RREB1: variants seen among roughly 807,000 people sequenced by gnomAD.
RREB1 encodes ras responsive element binding protein 1, also known as ras-responsive element-binding protein 1.
A neutral mutation model predicts 117.8 loss-of-function variants in RREB1; 27 were observed. The ratio of observed to expected loss-of-function variants is 0.23; its 90% CI spans 0.17 to 0.32. The LOEUF is 0.32. RREB1 is among the 10% of genes least tolerant of loss of function. The pLI is 1.00. For missense variants in RREB1, 2,577 were observed against 2,378.2 expected (o/e 1.08, Z -1.74); for synonymous variants, 1,298 against 1,026.7 (o/e 1.26, Z -5.05).
chr6:7,174,237 G>A (rs376411099), intron 1 of RREB1, among the ~76,000 whole-genome samples: 22 of 142,642 alleles, frequency 1.5e-4, no homozygotes, highest in Admixed American at 8.6e-4. Flanking sequence ...GTACTTTTCC[G>A]CTCTTCAAGC....
chr6:7,175,444 T>G (rs1019014207), intron 1 of RREB1, among the ~76,000 whole-genome samples: 2 of 152,192 alleles, frequency 1.3e-5, no homozygotes, highest in Non-Finnish European at 2.9e-5. Context: ...CCCTGTGGGT[T>G]AGTCCTGAGG....
chr6:7,230,714 G>A lies in RREB1; in HGVS notation c.2615G>A (p.Arg872Lys), dbSNP rs1409145536. ...FLEPQNGFLH[R>K]GPTQPPPPHV... ...GAACCCCAGAACGGCTTTCTTCACA[G>A]GGGCCCCACCCAGCCTCCACCTCCC... The change falls in exon 10 of 13, where the codon AGG becomes AAG. Residue 872 changes from arginine to lysine, a missense_variant. Physicochemically the swap from Arg to Lys is conservative, Grantham distance 26. Transcript: ENST00000379938. 1.3e-6 allele frequency: 2 copies of A among 1,596,216 alleles called. No individual in the cohort carries two copies. The highest frequency in any genetic ancestry group is 1.7e-6 in the Non-Finnish European group (2 of 1,170,532).
At position 7,182,071 on chromosome 6, in the gene RREB1, A is replaced by G. The variant is rs1412253016; in HGVS notation, c.160A>G (p.Arg54Gly). Residue 54 changes from arginine to glycine, a missense_variant, in exon 4 of 13, where the codon AGA becomes GGA. Transcript: ENST00000379938. ...SKPPGPNRIG[R>G]RNQETKEEKS... is the part of the protein sequence containing the mutation. ...GCCTCCAGGACCAAATCGGATTGGC[A>G]GAAGGAACCAGGTAAGTGTTCACAC... 1 of 1,614,148 alleles carries G rather than the reference A, an allele frequency of 6.2e-7. No individual in the cohort carries two copies. The highest frequency in any genetic ancestry group is 8.5e-7 in the Non-Finnish European group (1 of 1,179,988).
At chr6:7,119,982 T>G (rs1761601004) in intron 1 of RREB1, among the ~76,000 whole-genome samples, 1 of 152,048 alleles carries the variant, frequency 6.6e-6, no homozygotes, top group African/African-American at 2.4e-5. Flanking sequence ...GGTCTCTGGC[T>G]TTTGCAGCTG....
At chr6:7,195,625 C>G (rs1045329317) in intron 6 of RREB1, among the ~76,000 whole-genome samples, 1 of 152,206 alleles carries the variant, frequency 6.6e-6, no homozygotes, top group Non-Finnish European at 1.5e-5. Flanking sequence ...TGCTTAAGAT[C>G]AAAGTTCTTT....
chr6:7,144,318 A>AT (rs1285902612), intron 1 of RREB1, among the ~76,000 whole-genome samples: 13 of 152,220 alleles, frequency 8.5e-5, no homozygotes, highest in Non-Finnish European at 1.9e-4. Flanking sequence ...CCTCACCTGT[A>AT]CACTGTACAT....
At chr6:7,244,616 A>T (rs1332117004) in intron 11 of RREB1, among the ~76,000 whole-genome samples, 1 of 152,176 alleles carries the variant, frequency 6.6e-6, no homozygotes, top group Non-Finnish European at 1.5e-5. Flanking sequence ...AATTTTGCAA[A>T]ATCATTTCTT....
intron 11 of RREB1, among the ~76,000 whole-genome samples, chr6:7,242,676 T>C (rs1768782548): frequency 6.9e-6 from 1 of 144,544 alleles, no homozygotes; most frequent in Non-Finnish European, 1.5e-5. Flanking sequence ...AAGTGAGGCT[T>C]TGAAGGAAGA....
intron 1 of RREB1, among the ~76,000 whole-genome samples, chr6:7,165,604 A>C (rs761016679): frequency 1.4e-4 from 22 of 152,210 alleles, no homozygotes; most frequent in African/African-American, 4.6e-4. Flanking sequence ...GCTTGGATTT[A>C]CAAATCTGTG....
intron 1 of RREB1, among the ~76,000 whole-genome samples, chr6:7,162,228 A>G (rs1295188651): frequency 6.6e-6 from 1 of 151,836 alleles, no homozygotes; most frequent in South Asian, 2.1e-4. Flanking sequence ...AATGATCTCT[A>G]CCATCTACTG....
At chr6:7,211,781 G>GGTGTGGAGTAACGGGAC in intron 8 of RREB1, 72 bp downstream of exon 8, 2 of 1,495,180 alleles carry the variant, frequency 1.3e-6, no homozygotes, top group Non-Finnish European at 1.9e-6. Context: ...CTTAAGTCCC[G>GGTGTGGAGTAACGGGAC]TTACTCCACA....
At chr6:7,186,079 G>A (rs1398767812) in intron 4 of RREB1, among the ~76,000 whole-genome samples, 1 of 152,194 alleles carries the variant, frequency 6.6e-6, no homozygotes. Flanking sequence ...ATGAATGCAA[G>A]TAAAAAGAGG....
At chr6:7,117,211 G>T (rs1761439228) in intron 1 of RREB1, among the ~76,000 whole-genome samples, 1 of 151,966 alleles carries the variant, frequency 6.6e-6, no homozygotes, top group African/African-American at 2.4e-5. Context: ...TTTTAAGGGA[G>T]CTCCCTTTAT....
chr6:7,226,631 G>A lies in RREB1; in HGVS notation c.872G>A (p.Cys291Tyr). The stretch of plus-strand genomic sequence containing the variant: ...GACTTAGGATTCACGGACTTCTCCT[G>A]TAGGAAGTTTCCTCGCATTTCTCAG... ...FHDLGFTDFS[C>Y]RKFPRISQAW... Residue 291 changes from cysteine (C) to tyrosine (Y), a missense_variant, in exon 9 of 13, where the codon TGT (cysteine) becomes TAT (tyrosine). Physicochemically the swap from Cys to Tyr is radical, Grantham distance 194. Transcript: ENST00000379938. 6.2e-7 allele frequency: 1 copy of A among 1,614,052 alleles called. No individual in the cohort carries two copies. Among genetic ancestry groups the A allele is most frequent in the South Asian group, 1.1e-5 (1 of 91,070 alleles).
In RREB1 at chr6:7,249,968, TA is replaced by T. The variant is rs1769340332; in HGVS notation, c.*1002del. 1 of 152,594 alleles carries T rather than the reference TA, an allele frequency of 6.6e-6. No homozygotes were observed. Among genetic ancestry groups the T allele is most frequent in the African/African-American group, 2.4e-5 (1 of 41,426 alleles). The allele number at this position is 152,594 out of a possible 1,614,324, so 9.5% of individuals were successfully genotyped here. On this transcript the variant is annotated 3_prime_UTR_variant, in exon 13 of 13. Transcript: ENST00000379938. ...CCCTCGGGTGGTAGCTCTTCTACTG[TA>T]ATGAGACAAGCCTTTCTTCTGTCAC...
At position 7,231,372 on chromosome 6, in the gene RREB1, C is replaced by A. The variant is rs147399080; in HGVS notation, c.3273C>A (p.Pro1091=). 3 of 1,613,388 alleles carry A rather than the reference C, an allele frequency of 1.9e-6. No individual in the cohort carries two copies. The South Asian group carries it at 3.3e-5, about 18-fold the overall frequency. ...LLKTKVADPG[P]ASTGSNTTAS... ...AAACCAAGGTGGCGGACCCAGGGCC[C>A]GCAAGCACTGGCAGTAACACCACGG... The change falls in exon 10 of 13, where the codon CCC becomes CCA. Residue 1091 remains proline (P), a synonymous_variant. Transcript: ENST00000379938.
At chr6:7,178,450 G>A (rs567553544) in intron 2 of RREB1, among the ~76,000 whole-genome samples, 3 of 152,304 alleles carry the variant, frequency 2.0e-5, no homozygotes, top group Admixed American at 6.5e-5. Context: ...CGATGATCTT[G>A]TAGAAGAGCC....
intron 11 of RREB1, 79 bp downstream of exon 11, chr6:7,240,681 C>T (rs932401893): frequency 9.6e-6 from 13 of 1,358,594 alleles, no homozygotes; most frequent in South Asian, 9.3e-5. Flanking sequence ...AACTCCAGTC[C>T]GAGCTGTGGA....
In RREB1 at chr6:7,230,757, G is replaced by A; in HGVS notation, c.2658G>A (p.Leu886=). ...QPPPPHVSIK[L]EPASSFAVDF... is the part of the protein sequence containing the mutation. ...CACCTCCCCATGTCTCGATCAAGTT[G>A]GAGCCCGCCAGTAGCTTTGCGGTGG... The change falls in exon 10 of 13, where the codon TTG becomes TTA. Residue 886 remains leucine (L), a synonymous_variant. Coordinates refer to ENST00000379938, the MANE Select transcript of RREB1 (RefSeq NM_001003699.4). 9.9e-6 allele frequency: 16 copies of A among 1,610,862 alleles called. No homozygotes were observed. The highest frequency in any genetic ancestry group is 1.4e-5 in the Non-Finnish European group (16 of 1,178,022).
Sources: allele counts gnomAD v4.1 joint callset (sites outside exome capture counted in the v4.1 genomes callset), GRCh38; gene constraint gnomAD v4.1.1; transcripts MANE v1.5; gene names NCBI Gene and HGNC (gene_info 2026-07-23, HGNC 2026-07-21).